The following KIAA1328 variants were observed in gnomAD, a reference collection of about 807,000 sequenced individuals.
KIAA1328 encodes protein hinderin.
Under a neutral mutation model 68.1 loss-of-function variants are expected in KIAA1328, and 52 were observed. The ratio of observed to expected loss-of-function variants is 0.76; its 90% CI spans 0.61 to 0.96. The LOEUF (loss-of-function observed/expected upper bound fraction) is 0.96, where lower values mean the gene tolerates loss of function less well. KIAA1328 is among the 40% of genes least tolerant of loss of function. The probability of loss-of-function intolerance (pLI) is 0.00; values close to 1 mark genes in which losing one functional copy is unlikely to be tolerated. For missense variants in KIAA1328, 641 were observed against 677.6 expected, an observed-to-expected ratio of 0.95 and a Z score of 0.60; for synonymous variants, 232 against 239.4, an observed-to-expected ratio of 0.97 and a Z score of 0.28.
intron 6 of KIAA1328, among the ~76,000 whole-genome samples, chr18:36,976,473 G>A (rs2052476067): frequency 6.6e-6 from 1 of 151,964 alleles, no homozygotes; most frequent in South Asian, 2.1e-4. Flanking sequence ...CTTTTTACAG[G>A]TTACAACAGT....
intron 6 of KIAA1328, among the ~76,000 whole-genome samples, chr18:37,028,703 T>G (rs1475785759): frequency 6.6e-6 from 1 of 152,200 alleles, no homozygotes; most frequent in Non-Finnish European, 1.5e-5. Context: ...GTTCCTTCAA[T>G]GCCTAGTTGT....
chr18:37,128,325 T>A (rs2058441224), intron 7 of KIAA1328, among the ~76,000 whole-genome samples: 1 of 151,888 alleles, frequency 6.6e-6, no homozygotes, highest in Non-Finnish European at 1.5e-5. Context: ...ACCAAAAAGA[T>A]TAGCTGGGTG....
At chr18:37,208,549 A>G (rs2060258173) in intron 9 of KIAA1328, among the ~76,000 whole-genome samples, 2 of 152,196 alleles carry the variant, frequency 1.3e-5, no homozygotes, top group African/African-American at 4.8e-5. Flanking sequence ...GTGTTCACAG[A>G]TGAAGAGAAG....
rs553791059 is a variant in KIAA1328, at chr18:36,954,405, A to G, written c.449-4903A>G. The G allele has an allele frequency of 1.1e-3, 171 of 152,328 alleles. 2 individuals are homozygous for G. The highest frequency in any genetic ancestry group is 4.1e-3 in the African/African-American group (169 of 41,580). The allele number at this position is 152,328 out of a possible 1,614,324, so 9.4% of individuals were successfully genotyped here. A position where few individuals can be genotyped will look rare whatever the true frequency, so the allele number is the denominator to read the frequency against. On this transcript the variant is annotated intron_variant, in intron 5 of 9. Coordinates refer to ENST00000280020, the MANE Select transcript of KIAA1328 (RefSeq NM_020776.3). The stretch of plus-strand genomic sequence containing the variant: ...GCCTATTTCATGCAATTGGACATAC[A>G]TAATTTCTGTTTTTCTATTTATTAG...
chr18:37,031,549 T>C (rs1448695271), intron 6 of KIAA1328, among the ~76,000 whole-genome samples: 1 of 152,198 alleles, frequency 6.6e-6, no homozygotes, highest in African/African-American at 2.4e-5. Flanking sequence ...TACTCCACCT[T>C]TGTCTTTAAT....
intron 3 of KIAA1328, 104 bp from the exon 4 acceptor site, chr18:36,844,104 C>G: frequency 1.5e-6 from 1 of 684,984 alleles, no homozygotes; most frequent in Non-Finnish European, 2.5e-6. Flanking sequence ...TAGTGTTGCA[C>G]CAGAGAAAAG....
chr18:37,122,225 A>G (rs1277782620), intron 7 of KIAA1328, among the ~76,000 whole-genome samples: 4 of 152,104 alleles, frequency 2.6e-5, no homozygotes, highest in Non-Finnish European at 4.4e-5. Flanking sequence ...TCAAGAAGAG[A>G]GTAATAATTA....
At chr18:37,051,835 A>C (rs2055705555) in intron 6 of KIAA1328, among the ~76,000 whole-genome samples, 1 of 152,138 alleles carries the variant, frequency 6.6e-6, no homozygotes, top group Non-Finnish European at 1.5e-5. Context: ...TGAAGTCAGG[A>C]GTTCAAGACC....
chr18:37,055,150 C>G (rs2055859224), intron 6 of KIAA1328, among the ~76,000 whole-genome samples: 1 of 152,136 alleles, frequency 6.6e-6, no homozygotes, highest in Admixed American at 6.6e-5. Flanking sequence ...GCTTCGGCTG[C>G]TGAGTGGTGA....
intron 1 of KIAA1328, among the ~76,000 whole-genome samples, chr18:36,831,128 A>G (rs1192016582): frequency 6.6e-6 from 1 of 152,208 alleles, no homozygotes; most frequent in Non-Finnish European, 1.5e-5. Context: ...TTATAGTAGA[A>G]TTTTCAATAG....
Position 36,898,914 on chromosome 18 carries a change from T to A in KIAA1328, c.448+13242T>A, listed in dbSNP as rs150886416. On this transcript the variant is annotated intron_variant, in intron 5 of 9. Transcript: ENST00000280020. ...AGTTGCTTTACACATTTCTTAGGAT[T>A]TTATTTGCAGTCGTGTCATCTGCAA... 2.2e-3 allele frequency among the ~76,000 whole-genome samples: 332 copies of A among 152,122 alleles called. 1 individual carries two copies. The highest frequency in any genetic ancestry group is 7.6e-3 in the African/African-American group (315 of 41,566).
At chr18:37,205,394 C>A (rs578008200) in intron 9 of KIAA1328, among the ~76,000 whole-genome samples, 1 of 152,244 alleles carries the variant, frequency 6.6e-6, no homozygotes, top group East Asian at 1.9e-4. Context: ...AATAAGCAAG[C>A]CTTATAAAGG....
intron 5 of KIAA1328, among the ~76,000 whole-genome samples, chr18:36,956,877 G>C (rs1327475585): frequency 6.6e-6 from 1 of 152,136 alleles, no homozygotes; most frequent in Non-Finnish European, 1.5e-5. Flanking sequence ...TTTAGAGCTT[G>C]CTTTCCATGG....
At chr18:37,117,641 A>G (rs2151923097) in intron 7 of KIAA1328, among the ~76,000 whole-genome samples, 1 of 152,248 alleles carries the variant, frequency 6.6e-6, no homozygotes, top group African/African-American at 2.4e-5. Flanking sequence ...TTAAAGTATT[A>G]TTTAAAAAAA....
chr18:37,030,389 A>G (rs2054775081), intron 6 of KIAA1328, among the ~76,000 whole-genome samples: 1 of 152,064 alleles, frequency 6.6e-6, no homozygotes, highest in South Asian at 2.1e-4. Context: ...TTTTCTAAGT[A>G]TTCTTGTTAT....
chr18:37,076,769 C>A (rs1330956093), intron 7 of KIAA1328, among the ~76,000 whole-genome samples: 1 of 151,932 alleles, frequency 6.6e-6, no homozygotes, highest in Non-Finnish European at 1.5e-5. Context: ...ATACACCCTC[C>A]CAAGACTAAA....
intron 6 of KIAA1328, among the ~76,000 whole-genome samples, 193 bp from the exon 7 acceptor site, chr18:37,066,697 G>A (rs1160271294): frequency 2.6e-5 from 4 of 152,158 alleles, no homozygotes; most frequent in Non-Finnish European, 4.4e-5. Flanking sequence ...TTTACTGAAG[G>A]GTAGGTTGTT....
At chr18:36,829,352 C>T (rs1422876292) in intron 1 of KIAA1328, 156 bp downstream of exon 1, 39 of 1,383,400 alleles carry the variant, frequency 2.8e-5, no homozygotes, top group Middle Eastern at 2.4e-4. Context: ...CTGGGCTCTC[C>T]CCTTGCTTGG....
intron 6 of KIAA1328, among the ~76,000 whole-genome samples, chr18:36,996,906 G>T (rs948262566): frequency 1.3e-5 from 2 of 152,126 alleles, no homozygotes; most frequent in East Asian, 3.9e-4. Flanking sequence ...TAAACGTTTA[G>T]ATCTGTTAGA....
Sources: allele counts gnomAD v4.1 joint callset (sites outside exome capture counted in the v4.1 genomes callset), GRCh38; gene constraint gnomAD v4.1.1; transcripts MANE v1.5; gene names NCBI Gene and HGNC (gene_info 2026-07-23, HGNC 2026-07-21).